SLCO4C1: variants seen among roughly 807,000 people sequenced by gnomAD.
The protein encoded by SLCO4C1 is solute carrier organic anion transporter family member 4C1.
In SLCO4C1, 58 loss-of-function variants were observed where a neutral mutation model predicts 72.1. The observed-to-expected ratio is 0.80, with a 90% CI of 0.65 to 1.00. SLCO4C1 has a LOEUF of 1.00. Ranked by LOEUF, SLCO4C1 falls within the 50% of genes least tolerant of loss-of-function variation. The pLI is 0.00. For synonymous variants in SLCO4C1, 297 were observed against 312.5 expected (o/e 0.95, Z 0.52); for missense variants, 898 against 857.9 (o/e 1.05, Z -0.58).
intron 3 of SLCO4C1, among the ~76,000 whole-genome samples, chr5:102,265,736 G>T (rs2112367934): frequency 6.6e-6 from 1 of 152,276 alleles, no homozygotes. Flanking sequence ...TTTGAAATCA[G>T]ATAGTGTGAT....
rs1748497860 is a variant in SLCO4C1, at chr5:102,239,380, GA to G, written c.1884del (p.Pro629LeufsTer10). 6.3e-7 allele frequency: 1 copy of G among 1,576,604 alleles called. No homozygotes were observed. Among genetic ancestry groups the G allele is most frequent in the Non-Finnish European group, 8.6e-7 (1 of 1,164,026 alleles). ...QFMVLRLLGT[I>X]PGPIIFGFTI... ...GTGAAACCAAATATAATTGGTCCAG[GA>G]ATTGTCCCTAAAAGAATTATGGGTG... is the stretch of plus-strand genomic sequence containing the variant. On this transcript the variant is annotated frameshift_variant, in exon 12 of 13. Coordinates refer to ENST00000310954, the MANE Select transcript of SLCO4C1 (RefSeq NM_180991.5). LOFTEE classifies it high-confidence loss of function.
At chr5:102,283,736 T>C (rs912990312) in intron 2 of SLCO4C1, among the ~76,000 whole-genome samples, 2 of 152,036 alleles carry the variant, frequency 1.3e-5, no homozygotes, top group Admixed American at 1.3e-4. Flanking sequence ...GAAAAGAGAA[T>C]TGCTAACATT....
chr5:102,254,762 A>G (rs1284040256), intron 8 of SLCO4C1, among the ~76,000 whole-genome samples: 2 of 152,234 alleles, frequency 1.3e-5, no homozygotes, highest in African/African-American at 4.8e-5. Flanking sequence ...GTTATTGTAT[A>G]TGTAATAGAC....
In SLCO4C1 at chr5:102,295,739, C is replaced by T. The variant is rs1050822729; in HGVS notation, c.355+169G>A. ...GAACTTTGGAAGGCTGGCTGGGGGCCGGTAGGTTGACCTTGGTGAGAGCGC... is the reference window on the plus strand; with the variant it reads ...GAACTTTGGAAGGCTGGCTGGGGGCTGGTAGGTTGACCTTGGTGAGAGCGC... On this transcript the variant is annotated intron_variant, in intron 1 of 12. Coordinates refer to ENST00000310954, the MANE Select transcript of SLCO4C1 (RefSeq NM_180991.5). Among the ~76,000 whole-genome samples, 5 of 152,358 alleles carry T rather than the reference C, an allele frequency of 3.3e-5. No homozygotes were observed. In the South Asian group the frequency reaches 8.3e-4, roughly 25 times the overall value.
intron 4 of SLCO4C1, 25 bp downstream of exon 4, chr5:102,263,658 TA>T (rs899169516): frequency 3.2e-6 from 5 of 1,582,630 alleles, no homozygotes; most frequent in African/African-American, 1.4e-5. Flanking sequence ...TGACTTTAAA[TA>T]AAAGAAAAAT....
chr5:102,266,476 CCT>C (rs1007103277), intron 3 of SLCO4C1, among the ~76,000 whole-genome samples: 2 of 152,002 alleles, frequency 1.3e-5, no homozygotes, highest in African/African-American at 4.8e-5. Flanking sequence ...GTGGTGAAAC[CCT>C]GTCTCTACTA....
chr5:102,273,426 G>T (rs1223493909), intron 2 of SLCO4C1, among the ~76,000 whole-genome samples: 1 of 152,082 alleles, frequency 6.6e-6, no homozygotes, highest in Non-Finnish European at 1.5e-5. Context: ...AAGATGAAAA[G>T]ACTTTTTTGA....
intron 2 of SLCO4C1, among the ~76,000 whole-genome samples, chr5:102,281,671 AG>A (rs2112390931): frequency 6.6e-6 from 1 of 152,256 alleles, no homozygotes; most frequent in East Asian, 1.9e-4. Flanking sequence ...ACACAAGCAA[AG>A]ATGCTCAATG....
chr5:102,278,971 A>G lies in SLCO4C1; in HGVS notation c.620-8165T>C, dbSNP rs1394471301. ...ATAATAGAATAAATTTAAAATAAGT[A>G]GAAGGAAGAAAATAAAGAGCAGAAA... On this transcript the variant is annotated intron_variant, in intron 2 of 12. Coordinates refer to ENST00000310954, the MANE Select transcript of SLCO4C1 (RefSeq NM_180991.5). Among the ~76,000 whole-genome samples the G allele has an allele frequency of 5.3e-5, 8 of 151,844 alleles. No individual in the cohort carries two copies. The East Asian group carries it at 1.5e-3, about 29-fold the overall frequency.
chr5:102,288,142 G>C (rs986983373), intron 2 of SLCO4C1, among the ~76,000 whole-genome samples: 1 of 152,150 alleles, frequency 6.6e-6, no homozygotes, highest in Non-Finnish European at 1.5e-5. Context: ...TTCAAATTCA[G>C]TATTTGCACT....
At chr5:102,288,939 A>G (rs1749503466) in intron 2 of SLCO4C1, among the ~76,000 whole-genome samples, 3 of 152,304 alleles carry the variant, frequency 2.0e-5, no homozygotes, top group Admixed American at 6.5e-5. Context: ...CTAGTACATA[A>G]AATCCAGATG....
intron 2 of SLCO4C1, among the ~76,000 whole-genome samples, chr5:102,283,586 T>TAAAAAAA (rs1749395220): frequency 8.5e-6 from 1 of 117,602 alleles, no homozygotes. Context: ...CTAAGGAAGC[T>TAAAAAAA]ACAAAAAAAA....
intron 3 of SLCO4C1, among the ~76,000 whole-genome samples, chr5:102,269,059 T>C (rs1331557107): frequency 6.6e-6 from 1 of 151,802 alleles, no homozygotes; most frequent in Non-Finnish European, 1.5e-5. Context: ...AATTCCTCCA[T>C]ATGTGACTTG....
chr5:102,277,216 G>C (rs902411253), intron 2 of SLCO4C1, among the ~76,000 whole-genome samples: 10 of 152,058 alleles, frequency 6.6e-5, no homozygotes, highest in African/African-American at 2.2e-4. Flanking sequence ...AAATACCACA[G>C]AGAAAAACTG....
At position 102,236,782 on chromosome 5, in the gene SLCO4C1, T is replaced by A; in HGVS notation, c.*76A>T. On this transcript the variant is annotated 3_prime_UTR_variant, in exon 13 of 13. Transcript: ENST00000310954. ...ATGATTGTCCATATTGGATAGATAA[T>A]CCTGCCATGGCAATGTGTGTTCTTA... 1 of 1,395,634 alleles carries A rather than the reference T, an allele frequency of 7.2e-7. No individual in the cohort carries two copies. Among genetic ancestry groups the A allele is most frequent in the Non-Finnish European group, 9.9e-7 (1 of 1,005,722 alleles). 86.5% of individuals were successfully genotyped at this position (1,395,634 alleles called of 1,614,324 possible).
chr5:102,295,881 G>A (rs950788668), intron 1 of SLCO4C1, 27 bp downstream of exon 1: 11 of 1,590,482 alleles, frequency 6.9e-6, no homozygotes, highest in African/African-American at 5.4e-5. Flanking sequence ...CCACTGGCCC[G>A]AGCCTCAAGC....
chr5:102,236,054 C>A lies in SLCO4C1; in HGVS notation c.*804G>T, dbSNP rs140619400. 32 of 152,240 alleles carry A rather than the reference C, an allele frequency of 2.1e-4. No homozygotes were observed. The highest frequency in any genetic ancestry group is 7.7e-4 in the African/African-American group (32 of 41,538). The allele number at this position is 152,240 out of a possible 1,614,324, so 9.4% of individuals were successfully genotyped here. A position where few individuals can be genotyped will look rare whatever the true frequency, so the allele number is the denominator to read the frequency against. On this transcript the variant is annotated 3_prime_UTR_variant, in exon 13 of 13. Coordinates refer to ENST00000310954, the MANE Select transcript of SLCO4C1 (RefSeq NM_180991.5). ...AGTTTCATGTTTAGTTGGCATTTTTCTTTACTGACTGGTACTTTCCTCTGA... is the reference window on the plus strand; with the variant it reads ...AGTTTCATGTTTAGTTGGCATTTTTATTTACTGACTGGTACTTTCCTCTGA...
At chr5:102,247,631 A>T (rs924136437) in intron 9 of SLCO4C1, among the ~76,000 whole-genome samples, 189 bp from the exon 10 acceptor site, 13 of 152,172 alleles carry the variant, frequency 8.5e-5, no homozygotes, top group Admixed American at 2.6e-4. Context: ...ATGATGTGGA[A>T]TTATCTGTAT....
intron 8 of SLCO4C1, among the ~76,000 whole-genome samples, chr5:102,255,485 T>C (rs73774603): frequency 0.025 from 3,847 of 152,328 alleles, 163 homozygotes; most frequent in African/African-American, 0.088. Flanking sequence ...AAGTCAGGTC[T>C]ACACAACTTA....
Sources: gnomAD v4.1 joint callset for allele counts (sites outside exome capture counted in the v4.1 genomes callset) on GRCh38, gnomAD v4.1.1 for gene constraint, MANE v1.5 for transcripts, NCBI Gene and HGNC (gene_info 2026-07-23, HGNC 2026-07-21) for gene names.